Variants in DAAM1 observed in about 807,000 individuals in gnomAD.
DAAM1 encodes dishevelled associated activator of morphogenesis 1.
DAAM1 carries 52 observed loss-of-function variants against 130.0 expected under a neutral mutation model. That is an observed-to-expected ratio of 0.40 (90% CI 0.32 to 0.50). The LOEUF (loss-of-function observed/expected upper bound fraction) is 0.50. Among genes scored for constraint, DAAM1 ranks in the 20% least tolerant of loss-of-function variants. The probability of loss-of-function intolerance (pLI) is 0.61; values close to 1 mark genes in which losing one functional copy is unlikely to be tolerated. For missense variants in DAAM1, 1,134 were observed against 1,303.8 expected, an observed-to-expected ratio of 0.87 and a Z score of 2.01; for synonymous variants, 452 against 444.5, an observed-to-expected ratio of 1.02 and a Z score of -0.21.
At chr14:59,351,594 A>G (rs1022131427) in intron 17 of DAAM1, among the ~76,000 whole-genome samples, 2 of 152,160 alleles carry the variant, frequency 1.3e-5, no homozygotes, top group East Asian at 1.9e-4. Context: ...ACCTGCCTGT[A>G]ATTCCAATTC....
chr14:59,264,823 C>G (rs1208085003), intron 2 of DAAM1: 1 of 152,170 alleles, frequency 6.6e-6, no homozygotes, highest in Non-Finnish European at 1.5e-5. Flanking sequence ...TCCACCATCC[C>G]CCTGCCTCCT....
At chr14:59,310,043 T>A (rs199866393) in intron 3 of DAAM1, among the ~76,000 whole-genome samples, 3,261 of 152,246 alleles carry the variant, frequency 0.021, 69 homozygotes, top group Non-Finnish European at 0.028. Flanking sequence ...ATTTATTTAA[T>A]GTTTGTTGTA....
At chr14:59,326,243 C>T in intron 10 of DAAM1, 166 bp downstream of exon 10, 1 of 698,402 alleles carries the variant, frequency 1.4e-6, no homozygotes, top group Non-Finnish European at 2.3e-6. Flanking sequence ...AAGGGTGTTA[C>T]AAAATTTTTT....
chr14:59,322,007 A>G (rs993926288), intron 5 of DAAM1, among the ~76,000 whole-genome samples: 3 of 152,202 alleles, frequency 2.0e-5, no homozygotes, highest in African/African-American at 7.2e-5. Flanking sequence ...ATGCAACAAT[A>G]AAGTATTGCT....
chr14:59,210,531 A>G (rs1451374714), intron 1 of DAAM1, among the ~76,000 whole-genome samples: 1 of 152,218 alleles, frequency 6.6e-6, no homozygotes, highest in Non-Finnish European at 1.5e-5. Flanking sequence ...AACTTACGAT[A>G]TCTCCAGGTA....
intron 1 of DAAM1, among the ~76,000 whole-genome samples, chr14:59,213,227 A>G (rs1888480743): frequency 6.6e-6 from 1 of 151,926 alleles, no homozygotes; most frequent in Non-Finnish European, 1.5e-5. Context: ...AAGATGCCTC[A>G]AGGGAGACCC....
chr14:59,312,416 T>A (rs188232084), intron 3 of DAAM1, among the ~76,000 whole-genome samples: 1 of 152,108 alleles, frequency 6.6e-6, no homozygotes, highest in Admixed American at 6.6e-5. Flanking sequence ...GAAAACTGAG[T>A]CACAAAGAGG....
intron 3 of DAAM1, among the ~76,000 whole-genome samples, chr14:59,303,688 G>A (rs1041891183): frequency 6.6e-6 from 1 of 152,078 alleles, no homozygotes; most frequent in Non-Finnish European, 1.5e-5. Flanking sequence ...TTTGAGGTCA[G>A]GAGTTCGAAA....
intron 16 of DAAM1, among the ~76,000 whole-genome samples, chr14:59,343,440 C>T (rs1333185304): frequency 6.6e-6 from 1 of 152,130 alleles, no homozygotes; most frequent in East Asian, 1.9e-4. Context: ...CATTTCCTAC[C>T]TTCTCACACT....
intron 2 of DAAM1, chr14:59,266,310 A>T (rs1048030853): frequency 6.6e-6 from 1 of 152,094 alleles, no homozygotes; most frequent in African/African-American, 2.4e-5. Context: ...GACTGCCCTC[A>T]GTGGTAGTAG....
chr14:59,259,771 G>A (rs12888410), intron 1 of DAAM1, among the ~76,000 whole-genome samples: 1 of 152,120 alleles, frequency 6.6e-6, no homozygotes, highest in Non-Finnish European at 1.5e-5. Flanking sequence ...TAGGCCGGGC[G>A]TGGTGGCTCA....
In DAAM1 at chr14:59,352,561, C is replaced by G; in HGVS notation, c.2196C>G (p.Asp732Glu). 1 of 1,613,280 alleles carries G rather than the reference C, an allele frequency of 6.2e-7. No homozygotes were observed. The highest frequency in any genetic ancestry group is 8.5e-7 in the Non-Finnish European group (1 of 1,179,686). Residue 732 changes from aspartate to glutamate, a missense_variant, in exon 18 of 25, where the codon GAC becomes GAG. Transcript: ENST00000360909. ...LKFVPEKSDI[D>E]LLEEHKHELD... The stretch of plus-strand genomic sequence containing the variant: ...TTGTTCCTGAAAAAAGTGACATTGA[C>G]CTATTGGAGGAACATAAACACGAAC...
intron 1 of DAAM1, among the ~76,000 whole-genome samples, chr14:59,202,046 AC>A (rs1292291480): frequency 6.6e-6 from 1 of 152,244 alleles, no homozygotes; most frequent in African/African-American, 2.4e-5. Flanking sequence ...GAAACAAACT[AC>A]CCATTCACAA....
In DAAM1 at chr14:59,326,635, A is replaced by G. The variant is rs1237650469; in HGVS notation, c.1300A>G (p.Asn434Asp). Residue 434 changes from asparagine to aspartate, a missense_variant, in exon 11 of 25, where the codon AAT (asparagine) becomes GAT (aspartate). Coordinates refer to ENST00000360909, the MANE Select transcript of DAAM1 (RefSeq NM_001270520.2). ...ACCTTTGGAAAACTTTAATATTAAG[A>G]ATGTCGTACGAATGTAAGTCTCTTC... ...STPLENFNIKNVVRMLVNENE... is the reference protein window; with the variant it reads ...STPLENFNIKDVVRMLVNENE... 6 of 1,612,670 alleles carry G rather than the reference A, an allele frequency of 3.7e-6. No homozygotes were observed. Among genetic ancestry groups the G allele is most frequent in the Non-Finnish European group, 5.1e-6 (6 of 1,179,632 alleles).
At position 59,301,560 on chromosome 14, in the gene DAAM1, G is replaced by T. The variant is rs183955194; in HGVS notation, c.273+10254G>T. 1.6e-3 allele frequency among the ~76,000 whole-genome samples: 245 copies of T among 152,254 alleles called. 1 individual carries two copies. The highest frequency in any genetic ancestry group is 3.4e-3 in the Middle Eastern group (1 of 294). ...TATTTGCCATCACTGAACACAGGAA[G>T]TTCCTCTGAGGCATTTGCCACTTCC... On this transcript the variant is annotated intron_variant, in intron 3 of 24. Transcript: ENST00000360909.
At chr14:59,246,182 T>A (rs1161517861) in intron 1 of DAAM1, among the ~76,000 whole-genome samples, 1 of 152,168 alleles carries the variant, frequency 6.6e-6, no homozygotes, top group Non-Finnish European at 1.5e-5. Context: ...CTTGCAAAAC[T>A]GAAACTCCAT....
chr14:59,258,298 G>A (rs1230612082), intron 1 of DAAM1, among the ~76,000 whole-genome samples: 1 of 152,210 alleles, frequency 6.6e-6, no homozygotes, highest in Admixed American at 6.5e-5. Flanking sequence ...CAAATCAAGT[G>A]TGTTTGGGCA....
chr14:59,283,864 G>T (rs546412519), intron 2 of DAAM1, among the ~76,000 whole-genome samples: 20 of 152,254 alleles, frequency 1.3e-4, no homozygotes, highest in African/African-American at 4.8e-4. Context: ...TCAAAGACAG[G>T]CCGATGAGTG....
At chr14:59,193,040 G>GA (rs1887778692) in intron 1 of DAAM1, among the ~76,000 whole-genome samples, 2 of 151,292 alleles carry the variant, frequency 1.3e-5, no homozygotes, top group Non-Finnish European at 3.0e-5. Context: ...ACTACAGAGC[G>GA]AGACTCCGTC....
Sources: gnomAD v4.1 joint callset for allele counts (sites outside exome capture counted in the v4.1 genomes callset) on GRCh38, gnomAD v4.1.1 for gene constraint, MANE v1.5 for transcripts, NCBI Gene and HGNC (gene_info 2026-07-23, HGNC 2026-07-21) for gene names.